Variants in FAR2 observed in about 807,000 individuals in gnomAD.
The protein encoded by FAR2 is fatty acyl-CoA reductase 2.
A neutral mutation model predicts 56.0 loss-of-function variants in FAR2; 19 were observed. The observed-to-expected ratio is 0.34, with a 90% confidence interval of 0.24 to 0.50. The LOEUF (loss-of-function observed/expected upper bound fraction) is 0.50. FAR2 is among the 20% of genes least tolerant of loss of function. The probability of loss-of-function intolerance (pLI) is 0.98; values close to 1 mark genes in which losing one functional copy is unlikely to be tolerated. For synonymous variants in FAR2, 219 were observed against 218.8 expected (o/e 1.00, Z -0.01); for missense variants, 508 against 642.2 (o/e 0.79, Z 2.26).
intron 1 of FAR2, among the ~76,000 whole-genome samples, chr12:29,186,854 T>A (rs1409215930): frequency 3.3e-5 from 5 of 152,104 alleles, no homozygotes; most frequent in Non-Finnish European, 1.5e-5. Flanking sequence ...AGTGGCGCAA[T>A]CTCGGCTCAC....
intron 2 of FAR2, chr12:29,291,468 GT>G (rs1156317903): frequency 2.2e-6 from 1 of 455,970 alleles, no homozygotes; most frequent in Admixed American, 2.3e-5. Context: ...AGGGAAATGA[GT>G]TGTATGCAGT....
chr12:29,270,639 G>A lies in FAR2; in HGVS notation c.189+1G>A. 2 of 1,607,224 alleles carry A rather than the reference G, an allele frequency of 1.2e-6. No individual in the cohort carries two copies. Among genetic ancestry groups the A allele is most frequent in the Non-Finnish European group, 1.7e-6 (2 of 1,175,816 alleles). On this transcript the variant is annotated splice_donor_variant, in intron 2 of 11. Coordinates refer to ENST00000536681, the MANE Select transcript of FAR2 (RefSeq NM_001271783.2). LOFTEE classifies it high-confidence loss of function. ...GGTTTTCCAGATCCTAGACAGTAAG[G>A]TATGCCTTATAGGAAAGCGTGTGTG...
At chr12:29,200,030 T>A (rs1257777934) in intron 1 of FAR2, among the ~76,000 whole-genome samples, 1 of 152,178 alleles carries the variant, frequency 6.6e-6, no homozygotes, top group Non-Finnish European at 1.5e-5. Flanking sequence ...TTAAGAGTCA[T>A]CATAGTTGAA....
chr12:29,273,006 G>T (rs1008653351), intron 2 of FAR2, among the ~76,000 whole-genome samples: 1 of 152,124 alleles, frequency 6.6e-6, no homozygotes, highest in Non-Finnish European at 1.5e-5. Context: ...AGCAAAGATG[G>T]GTCCCTGCTC....
At chr12:29,234,102 C>G (rs1277819574) in intron 1 of FAR2, among the ~76,000 whole-genome samples, 1 of 152,154 alleles carries the variant, frequency 6.6e-6, no homozygotes, top group Non-Finnish European at 1.5e-5. Flanking sequence ...CCTCTTCGAT[C>G]TGTCCCTTAA....
chr12:29,226,719 G>T (rs919554423), intron 1 of FAR2, among the ~76,000 whole-genome samples: 2 of 151,992 alleles, frequency 1.3e-5, no homozygotes, highest in African/African-American at 4.8e-5. Flanking sequence ...TTTAGTCCTA[G>T]TCCCATCCTG....
intron 1 of FAR2, among the ~76,000 whole-genome samples, chr12:29,202,572 G>A (rs73265795): frequency 0.14 from 21,722 of 152,212 alleles, 1,702 homozygotes; most frequent in South Asian, 0.28. Flanking sequence ...GTAATCCCCA[G>A]TGTTGGAGGT....
intron 10 of FAR2, among the ~76,000 whole-genome samples, chr12:29,327,695 A>G (rs941688332): frequency 3.3e-5 from 5 of 152,236 alleles, no homozygotes; most frequent in Non-Finnish European, 7.3e-5. Flanking sequence ...AAAACTGGCT[A>G]GCCATATGGA....
At chr12:29,183,218 C>G (rs1440501160) in intron 1 of FAR2, among the ~76,000 whole-genome samples, 1 of 152,162 alleles carries the variant, frequency 6.6e-6, no homozygotes, top group Admixed American at 6.5e-5. Context: ...TGCTCATTCT[C>G]AAGGTCTTCA....
intron 1 of FAR2, among the ~76,000 whole-genome samples, chr12:29,232,821 G>GCGCGCACA (rs71444325): frequency 1.4e-5 from 2 of 145,858 alleles, no homozygotes; most frequent in Non-Finnish European, 3.0e-5. Context: ...ACGCGCTCGC[G>GCGCGCACA]CACACACACA....
chr12:29,175,170 T>C (rs1949925187), intron 1 of FAR2, among the ~76,000 whole-genome samples: 1 of 152,208 alleles, frequency 6.6e-6, no homozygotes, highest in Non-Finnish European at 1.5e-5. Flanking sequence ...AGGGATCCGA[T>C]GGTACTCCCC....
chr12:29,247,945 A>T (rs1320950463), intron 1 of FAR2, among the ~76,000 whole-genome samples: 1 of 152,228 alleles, frequency 6.6e-6, no homozygotes, highest in African/African-American at 2.4e-5. Flanking sequence ...TAACATCAGG[A>T]AGTAAGAACC....
chr12:29,236,464 C>G (rs1947943309), intron 1 of FAR2, among the ~76,000 whole-genome samples: 1 of 152,140 alleles, frequency 6.6e-6, no homozygotes, highest in African/African-American at 2.4e-5. Flanking sequence ...GTTTGATTGA[C>G]TCATGGTTCC....
At chr12:29,163,209 A>G (rs1949797253) in intron 1 of FAR2, among the ~76,000 whole-genome samples, 1 of 152,238 alleles carries the variant, frequency 6.6e-6, no homozygotes, top group Non-Finnish European at 1.5e-5. Flanking sequence ...GTGACCGTGG[A>G]CAAATCACTT....
At position 29,220,864 on chromosome 12, in the gene FAR2, G is replaced by A. The variant is rs1452478156; in HGVS notation, c.-38-49548G>A. Among the ~76,000 whole-genome samples the A allele has an allele frequency of 3.9e-5, 6 of 152,238 alleles. No homozygotes were observed. The East Asian group carries it at 9.7e-4, about 25-fold the overall frequency. ...ACACTTGGAAGAGGGCCAAGCAGGCGACGTGAGAGATCAAGTGCATGGTTT... is the reference window on the plus strand; with the variant it reads ...ACACTTGGAAGAGGGCCAAGCAGGCAACGTGAGAGATCAAGTGCATGGTTT... On this transcript the variant is annotated intron_variant, in intron 1 of 11. Coordinates refer to ENST00000536681, the MANE Select transcript of FAR2 (RefSeq NM_001271783.2).
intron 10 of FAR2, among the ~76,000 whole-genome samples, chr12:29,324,211 A>G (rs1949604373): frequency 6.6e-6 from 1 of 152,312 alleles, no homozygotes; most frequent in South Asian, 2.1e-4. Context: ...AAGAATAAAA[A>G]GAAACGACCA....
rs371208560 is a variant in FAR2 at position 29,170,955 on chromosome 12, C to A, written c.-39+21548C>A. On this transcript the variant is annotated intron_variant, in intron 1 of 11. Coordinates refer to ENST00000536681, the MANE Select transcript of FAR2 (RefSeq NM_001271783.2). The stretch of plus-strand genomic sequence containing the variant: ...TTCCTTGTGGTATTTAATGGGGGTT[C>A]CCCCAGAGGTTAGGAACTCCCTTTC... Among the ~76,000 whole-genome samples, 236 of 152,336 alleles carry A rather than the reference C, an allele frequency of 1.5e-3. 8 individuals are homozygous for A. In the South Asian group the frequency reaches 0.048, roughly 31 times the overall value.
intron 4 of FAR2, among the ~76,000 whole-genome samples, chr12:29,298,332 T>C (rs1225781622): frequency 1.3e-5 from 2 of 151,408 alleles, no homozygotes; most frequent in Non-Finnish European, 2.9e-5. Flanking sequence ...AAAAGTATTA[T>C]AGCAGAAAAA....
intron 1 of FAR2, among the ~76,000 whole-genome samples, chr12:29,187,280 T>A (rs1950053503): frequency 6.6e-6 from 1 of 152,184 alleles, no homozygotes; most frequent in Admixed American, 6.5e-5. Context: ...TGTAACTATT[T>A]TGTCAATTTT....
Sources: allele counts gnomAD v4.1 joint callset (sites outside exome capture counted in the v4.1 genomes callset), GRCh38; gene constraint gnomAD v4.1.1; transcripts MANE v1.5; gene names NCBI Gene and HGNC (gene_info 2026-07-23, HGNC 2026-07-21).